UBTD1: variants seen among roughly 807,000 people sequenced by gnomAD.
UBTD1 encodes ubiquitin domain-containing protein 1.
Under a neutral mutation model 21.7 loss-of-function variants are expected in UBTD1, and 19 were observed. That is an observed-to-expected ratio of 0.87 (90% CI 0.61 to 1.28). The LOEUF is 1.28. Ranked by LOEUF, UBTD1 falls within the 50% of genes most tolerant of loss-of-function variation. The pLI is 0.00. For missense variants in UBTD1, 282 were observed against 315.1 expected (o/e 0.89, Z 0.80); for synonymous variants, 116 against 135.1 (o/e 0.86, Z 0.98).
chr10:97,552,393 CTTTTT>C (rs60160152), intron 1 of UBTD1, among the ~76,000 whole-genome samples: 4 of 119,858 alleles, frequency 3.3e-5, no homozygotes, highest in Admixed American at 3.0e-4. Flanking sequence ...ATTATACACC[CTTTTT>C]TTTTTTTTTT....
At chr10:97,499,374 G>T (rs1478414183) in intron 1 of UBTD1, 101 bp downstream of exon 1, 6 of 1,371,612 alleles carry the variant, frequency 4.4e-6, no homozygotes, top group South Asian at 1.5e-5. Context: ...TGGTGCTGGC[G>T]CTTGGGTTTC....
intron 1 of UBTD1, among the ~76,000 whole-genome samples, chr10:97,564,223 G>A (rs1167532427): frequency 1.3e-5 from 2 of 152,198 alleles, no homozygotes; most frequent in Non-Finnish European, 1.5e-5. Context: ...GCCTGCTGGA[G>A]GACTGGAAGA....
intron 1 of UBTD1, among the ~76,000 whole-genome samples, chr10:97,567,079 T>G (rs2040720346): frequency 6.7e-6 from 1 of 149,674 alleles, no homozygotes; most frequent in Non-Finnish European, 1.5e-5. Context: ...TTGTTAATAA[T>G]TTTTTTTTTG....
At position 97,499,175 on chromosome 10, in the gene UBTD1, G is replaced by A; in HGVS notation, c.-29G>A. 3.3e-6 allele frequency: 5 copies of A among 1,513,600 alleles called. No individual in the cohort carries two copies. Among genetic ancestry groups the A allele is most frequent in the East Asian group, 2.7e-5 (1 of 37,484 alleles). The allele number at this position is 1,513,600 out of a possible 1,614,324, so 93.8% of individuals were successfully genotyped here. ...AGCAGCCGACCACCCCGCCGCCTCCGGTGCATGGGGACTGGCTGAGGAGCC... is the reference window on the plus strand; with the variant it reads ...AGCAGCCGACCACCCCGCCGCCTCCAGTGCATGGGGACTGGCTGAGGAGCC... On this transcript the variant is annotated 5_prime_UTR_variant, in exon 1 of 3. Coordinates refer to ENST00000370664, the MANE Select transcript of UBTD1 (RefSeq NM_024954.5).
chr10:97,529,078 T>C (rs4606413), intron 1 of UBTD1, among the ~76,000 whole-genome samples: 132,577 of 150,074 alleles, frequency 0.88, 60,088 homozygotes, highest in East Asian at 0.98. Flanking sequence ...GCTCCTCACC[T>C]CCCAGACAGG....
Position 97,567,070 on chromosome 10 carries a change from T to C in UBTD1, c.71-844T>C, listed in dbSNP as rs771598750. Among the ~76,000 whole-genome samples, 69 of 152,048 alleles carry C rather than the reference T, an allele frequency of 4.5e-4. 1 individual carries two copies. In the Middle Eastern group the frequency reaches 0.024, roughly 52 times the overall value. On this transcript the variant is annotated intron_variant, in intron 1 of 2. Coordinates refer to ENST00000370664, the MANE Select transcript of UBTD1 (RefSeq NM_024954.5). ...GACATTAGTAACAAGATGTTAAAAT[T>C]GTTAATAATTTTTTTTTTGAGACAT...
rs763391490 is a variant in UBTD1 at position 97,568,026 on chromosome 10, C to T, written c.183C>T (p.Phe61=). The part of the protein sequence containing the change: ...RDEFWDTAPA[F]EGRKEIWDAL... ...AGTTCTGGGACACAGCGCCTGCCTT[C>T]GAGGGCCGCAAGGAGATCTGGGATG... Residue 61 remains phenylalanine (F), a synonymous_variant, in exon 2 of 3, where the codon TTC becomes TTT. Transcript: ENST00000370664. 13 of 1,613,910 alleles carry T rather than the reference C, an allele frequency of 8.1e-6. No homozygotes were observed. The highest frequency in any genetic ancestry group is 4.5e-5 in the East Asian group (2 of 44,888).
At chr10:97,506,543 C>G (rs924371889) in intron 1 of UBTD1, among the ~76,000 whole-genome samples, 4 of 151,960 alleles carry the variant, frequency 2.6e-5, no homozygotes, top group Non-Finnish European at 5.9e-5. Flanking sequence ...ATTTTTCAGT[C>G]TATAGTTTTG....
At chr10:97,567,036 T>C (rs749201990) in intron 1 of UBTD1, among the ~76,000 whole-genome samples, 6 of 152,094 alleles carry the variant, frequency 3.9e-5, no homozygotes, top group Admixed American at 6.5e-5. Flanking sequence ...AAATCCTTTT[T>C]TTAAGTGGGA....
At chr10:97,518,895 C>T (rs2040455550) in intron 1 of UBTD1, among the ~76,000 whole-genome samples, 2 of 152,210 alleles carry the variant, frequency 1.3e-5, no homozygotes, top group Non-Finnish European at 1.5e-5. Context: ...TGTATTATCT[C>T]ATTTAATCTT....
intron 1 of UBTD1, among the ~76,000 whole-genome samples, chr10:97,551,727 A>G (rs2040638308): frequency 6.6e-6 from 1 of 152,258 alleles, no homozygotes; most frequent in South Asian, 2.1e-4. Flanking sequence ...CCACTTTTCC[A>G]TGGCTGCACC....
intron 1 of UBTD1, among the ~76,000 whole-genome samples, chr10:97,550,007 C>T (rs1007520062): frequency 2.0e-5 from 3 of 152,192 alleles, no homozygotes; most frequent in African/African-American, 7.2e-5. Flanking sequence ...ACACTTCAGA[C>T]TACCTGTGTT....
chr10:97,521,523 G>A (rs557777960), intron 1 of UBTD1, among the ~76,000 whole-genome samples: 5 of 152,340 alleles, frequency 3.3e-5, no homozygotes, highest in African/African-American at 1.2e-4. Flanking sequence ...AGCCTTCCAC[G>A]ACCTCTCTGA....
chr10:97,498,985 G>C lies in UBTD1; in HGVS notation c.-219G>C, dbSNP rs2040283020. ...GCACCGTCGCGGGCCCCCCTGGCCCGGCCACCTGGGACCGTGCTGGGGAGT... is the reference window on the plus strand; with the variant it reads ...GCACCGTCGCGGGCCCCCCTGGCCCCGCCACCTGGGACCGTGCTGGGGAGT... On this transcript the variant is annotated 5_prime_UTR_variant, in exon 1 of 3. Transcript: ENST00000370664. The C allele has an allele frequency of 2.1e-6, 1 of 482,720 alleles. No individual in the cohort carries two copies. The highest frequency in any genetic ancestry group is 3.6e-6 in the Non-Finnish European group (1 of 281,676). The allele number at this position is 482,720 out of a possible 1,614,324, so 29.9% of individuals were successfully genotyped here.
At chr10:97,563,373 A>T (rs1286718886) in intron 1 of UBTD1, among the ~76,000 whole-genome samples, 1 of 152,176 alleles carries the variant, frequency 6.6e-6, no homozygotes, top group Admixed American at 6.5e-5. Flanking sequence ...TTCAGCAATG[A>T]GTAAATCGAG....
chr10:97,504,014 C>T (rs2040388370), intron 1 of UBTD1, among the ~76,000 whole-genome samples: 1 of 152,104 alleles, frequency 6.6e-6, no homozygotes, highest in Admixed American at 6.6e-5. Context: ...AAAGTCTTTC[C>T]CATCCCAGTT....
intron 1 of UBTD1, among the ~76,000 whole-genome samples, chr10:97,537,696 T>C (rs2040569806): frequency 6.6e-6 from 1 of 152,098 alleles, no homozygotes; most frequent in African/African-American, 2.4e-5. Flanking sequence ...CCAGAGTCCT[T>C]GTCACACAGG....
intron 1 of UBTD1, among the ~76,000 whole-genome samples, chr10:97,554,657 C>T (rs1211692905): frequency 6.6e-6 from 1 of 152,022 alleles, no homozygotes; most frequent in Non-Finnish European, 1.5e-5. Context: ...CTCAAGTGAC[C>T]CTCCCATCTC....
intron 1 of UBTD1, among the ~76,000 whole-genome samples, chr10:97,530,349 G>T (rs1036730586): frequency 2.0e-5 from 3 of 152,190 alleles, no homozygotes; most frequent in Non-Finnish European, 4.4e-5. Flanking sequence ...GAGGCAGGGG[G>T]AATGCTGGAG....
Sources: allele counts gnomAD v4.1 joint callset (sites outside exome capture counted in the v4.1 genomes callset), GRCh38; gene constraint gnomAD v4.1.1; transcripts MANE v1.5; gene names NCBI Gene and HGNC (gene_info 2026-07-23, HGNC 2026-07-21).